Variants in DAAM1 observed in about 807,000 individuals in gnomAD.
DAAM1 encodes disheveled-associated activator of morphogenesis 1.
DAAM1 carries 52 observed loss-of-function variants against 130.0 expected under a neutral mutation model. The ratio of observed to expected loss-of-function variants is 0.40; its 90% CI spans 0.32 to 0.50. The LOEUF (loss-of-function observed/expected upper bound fraction) is 0.50. Among genes scored for constraint, DAAM1 ranks in the 20% least tolerant of loss-of-function variants. The probability of loss-of-function intolerance (pLI) is 0.61; values close to 1 mark genes in which losing one functional copy is unlikely to be tolerated. For missense variants in DAAM1, 1,134 were observed against 1,303.8 expected (o/e 0.87, Z 2.01); for synonymous variants, 452 against 444.5 (o/e 1.02, Z -0.21).
At chr14:59,326,858 G>A in intron 11 of DAAM1, 75 bp from the exon 12 acceptor site, 2 of 1,585,930 alleles carry the variant, frequency 1.3e-6, no homozygotes, top group East Asian at 2.2e-5. Context: ...GACTATTTTT[G>A]TACCTGGGGA....
chr14:59,324,338 AT>A lies in DAAM1; in HGVS notation c.886-9del. On this transcript the variant is annotated splice_polypyrimidine_tract_variant and intron_variant, in intron 7 of 24. Coordinates refer to ENST00000360909, the MANE Select transcript of DAAM1 (RefSeq NM_001270520.2). ...AACCACAAATATGTATTTTATTGCC[AT>A]TTTACTTTCAGGAGAGTTTGGACTT... 1 of 1,549,924 alleles carries A rather than the reference AT, an allele frequency of 6.5e-7. No homozygotes were observed.
intron 10 of DAAM1, 176 bp downstream of exon 10, chr14:59,326,253 TA>T: frequency 1.4e-6 from 1 of 694,840 alleles, no homozygotes; most frequent in Non-Finnish European, 2.3e-6. Context: ...CAAAATTTTT[TA>T]AATGAAACAA....
At chr14:59,257,597 G>A (rs543792052) in intron 1 of DAAM1, among the ~76,000 whole-genome samples, 13 of 152,284 alleles carry the variant, frequency 8.5e-5, no homozygotes, top group African/African-American at 2.6e-4. Context: ...ATGAGTGCAC[G>A]CACGTGCCTG....
chr14:59,365,145 C>T (rs980094473), intron 23 of DAAM1, among the ~76,000 whole-genome samples: 2 of 152,180 alleles, frequency 1.3e-5, no homozygotes, highest in African/African-American at 2.4e-5. Context: ...ACATAAAGAC[C>T]TGGTAAATTT....
chr14:59,234,877 C>CATCTATTGAGATAA (rs1889241676), intron 1 of DAAM1, among the ~76,000 whole-genome samples: 2 of 152,202 alleles, frequency 1.3e-5, no homozygotes, highest in African/African-American at 4.8e-5. Context: ...TATCAGAGGC[C>CATCTATTGAGATAA]TTTTCTGCAT....
At chr14:59,207,735 C>T (rs920039408) in intron 1 of DAAM1, among the ~76,000 whole-genome samples, 9 of 152,138 alleles carry the variant, frequency 5.9e-5, no homozygotes, top group Non-Finnish European at 1.0e-4. Flanking sequence ...TTTTGAGAAC[C>T]ACTGGCCTAA....
At chr14:59,333,303 G>C (rs1419585063) in intron 15 of DAAM1, among the ~76,000 whole-genome samples, 3 of 152,112 alleles carry the variant, frequency 2.0e-5, no homozygotes, top group Non-Finnish European at 2.9e-5. Context: ...ACTGTAAGTA[G>C]AAAGGCAAAC....
chr14:59,234,948 T>C (rs1889244757), intron 1 of DAAM1, among the ~76,000 whole-genome samples: 1 of 152,210 alleles, frequency 6.6e-6, no homozygotes, highest in South Asian at 2.1e-4. Context: ...GTTGCATTTA[T>C]TGATTTGTGT....
rs780312090 is a variant in DAAM1 at position 59,359,495 on chromosome 14, C to T, written c.2624C>T (p.Ala875Val). The stretch of plus-strand genomic sequence containing the variant: ...GAATTGCGAGATATTCCTCAAGCTG[C>T]GAAAGTAAAGTAAGTACTTACAGTG... ...NEELRDIPQA[A>V]KVNMTELDKE... The change falls in exon 21 of 25, where the codon GCG (alanine) becomes GTG (valine). Residue 875 changes from alanine to valine, a missense_variant. Physicochemically the swap from Ala to Val is moderately conservative, Grantham distance 64. Around this residue, in one of 3 missense-constraint regions of DAAM1, gnomAD observed 644 missense variants for 695.9 expected, o/e 0.93. Transcript: ENST00000360909. The T allele has an allele frequency of 1.3e-5, 21 of 1,612,404 alleles. No individual in the cohort carries two copies. The highest frequency in any genetic ancestry group is 1.7e-4 in the Middle Eastern group (1 of 6,052).
In DAAM1 at chr14:59,263,302, C is replaced by T. The variant is rs112822675; in HGVS notation, c.-37-139C>T. The stretch of plus-strand genomic sequence containing the variant: ...TGTCCAAGTGGACTCCAAACCCACT[C>T]GGTGTTGTTCTCTCTGTGCCCTGCA... On this transcript the variant is annotated intron_variant, in intron 1 of 24. Coordinates refer to ENST00000360909, the MANE Select transcript of DAAM1 (RefSeq NM_001270520.2). 6.2e-4 allele frequency: 410 copies of T among 664,338 alleles called. 2 individuals carry two copies. The African/African-American group carries it at 6.3e-3, about 10-fold the overall frequency. The allele number at this position is 664,338 out of a possible 1,614,324, so 41.2% of individuals were successfully genotyped here. A position where few individuals can be genotyped will look rare whatever the true frequency, so the allele number is the denominator to read the frequency against.
At chr14:59,279,164 A>G (rs1333441257) in intron 2 of DAAM1, among the ~76,000 whole-genome samples, 1 of 152,122 alleles carries the variant, frequency 6.6e-6, no homozygotes, top group East Asian at 1.9e-4. Flanking sequence ...GCCATAGTTT[A>G]TAACACTTCC....
At chr14:59,251,262 T>G (rs1022465335) in intron 1 of DAAM1, among the ~76,000 whole-genome samples, 4 of 152,228 alleles carry the variant, frequency 2.6e-5, no homozygotes, top group African/African-American at 9.6e-5. Context: ...TTCTTAGATA[T>G]GCAATCTAGA....
At chr14:59,352,336 C>A (rs1288474981) in intron 17 of DAAM1, among the ~76,000 whole-genome samples, 190 bp from the exon 18 acceptor site, 1 of 152,148 alleles carries the variant, frequency 6.6e-6, no homozygotes, top group Non-Finnish European at 1.5e-5. Flanking sequence ...AATCTTATAC[C>A]CATTTAACTA....
chr14:59,356,722 G>GCAAT (rs1475865211), intron 20 of DAAM1, among the ~76,000 whole-genome samples: 8 of 152,202 alleles, frequency 5.3e-5, no homozygotes, highest in Non-Finnish European at 8.8e-5. Context: ...ACACACAAAA[G>GCAAT]CAATCACCCA....
chr14:59,334,638 A>G (rs1400247887), intron 15 of DAAM1, among the ~76,000 whole-genome samples: 2 of 152,234 alleles, frequency 1.3e-5, no homozygotes, highest in African/African-American at 2.4e-5. Context: ...GGATTAGTAT[A>G]ATTTAGATGA....
intron 3 of DAAM1, among the ~76,000 whole-genome samples, chr14:59,309,512 A>C (rs1884496781): frequency 6.6e-6 from 1 of 152,238 alleles, no homozygotes. Context: ...AGGGGTTGAC[A>C]AACTATGGCC....
chr14:59,346,144 G>A (rs935016056), intron 16 of DAAM1, among the ~76,000 whole-genome samples: 3 of 148,350 alleles, frequency 2.0e-5, no homozygotes, highest in East Asian at 2.0e-4. Flanking sequence ...TTTTTGGGGG[G>A]GGGGGGGTGC....
chr14:59,345,160 G>A (rs186098521), intron 16 of DAAM1, among the ~76,000 whole-genome samples: 8 of 152,232 alleles, frequency 5.3e-5, no homozygotes, highest in South Asian at 2.1e-4. Context: ...CTGATGCTGC[G>A]AGTCGGTTTT....
chr14:59,308,797 G>GTCA (rs1171036226), intron 3 of DAAM1, among the ~76,000 whole-genome samples: 1 of 152,220 alleles, frequency 6.6e-6, no homozygotes, highest in African/African-American at 2.4e-5. Context: ...GTTATTGCAA[G>GTCA]TCATCATTCA....
Sources: allele counts gnomAD v4.1 joint callset (sites outside exome capture counted in the v4.1 genomes callset), GRCh38; gene constraint gnomAD v4.1.1; regional missense constraint gnomAD v4.1.1; transcripts MANE v1.5; gene names NCBI Gene and HGNC (gene_info 2026-07-23, HGNC 2026-07-21).